SLC10A7: variants seen among roughly 807,000 people sequenced by gnomAD.
SLC10A7 encodes sodium/bile acid cotransporter 7.
A neutral mutation model predicts 43.2 loss-of-function variants in SLC10A7; 29 were observed. The observed-to-expected ratio is 0.67, with a 90% CI of 0.50 to 0.92. The LOEUF is 0.92. Among genes scored for constraint, SLC10A7 ranks in the 40% least tolerant of loss-of-function variants. The pLI, the probability that SLC10A7 is intolerant of heterozygous loss-of-function variation, is 0.00. For synonymous variants in SLC10A7, 152 were observed against 144.8 expected (o/e 1.05, Z -0.35); for missense variants, 295 against 403.2 (o/e 0.73, Z 2.30).
At chr4:146,442,730 A>G (rs1730700318) in intron 5 of SLC10A7, 53 bp downstream of exon 5, 2 of 1,586,742 alleles carry the variant, frequency 1.3e-6, no homozygotes, top group South Asian at 2.4e-5. Flanking sequence ...TCTTTCATAT[A>G]CACAATATCA....
chr4:146,412,673 T>A (rs1208523553), intron 5 of SLC10A7, among the ~76,000 whole-genome samples: 2 of 152,144 alleles, frequency 1.3e-5, no homozygotes, highest in Non-Finnish European at 2.9e-5. Flanking sequence ...GTTACACAAT[T>A]TTATATGGAT....
intron 4 of SLC10A7, among the ~76,000 whole-genome samples, chr4:146,490,638 G>T (rs1374339630): frequency 6.6e-6 from 1 of 151,948 alleles, no homozygotes. Context: ...TTGAAGAATC[G>T]GTAAATGAGA....
At chr4:146,309,982 C>T (rs142202799) in intron 6 of SLC10A7, among the ~76,000 whole-genome samples, 83 of 152,266 alleles carry the variant, frequency 5.5e-4, no homozygotes, top group African/African-American at 1.8e-3. Context: ...TCCCTCCCCA[C>T]TCTATTAGTC....
chr4:146,487,877 A>G (rs1735055729), intron 4 of SLC10A7, among the ~76,000 whole-genome samples: 1 of 151,594 alleles, frequency 6.6e-6, no homozygotes, highest in South Asian at 2.1e-4. Context: ...GCCCTAAGCA[A>G]CACCCTTTCT....
intron 5 of SLC10A7, among the ~76,000 whole-genome samples, chr4:146,422,596 C>A (rs546039680): frequency 6.6e-6 from 1 of 152,218 alleles, no homozygotes; most frequent in South Asian, 2.1e-4. Flanking sequence ...TCAAACATAA[C>A]TTTCTTGCAG....
chr4:146,398,095 G>A (rs888265278), intron 5 of SLC10A7, among the ~76,000 whole-genome samples: 5 of 152,128 alleles, frequency 3.3e-5, no homozygotes, highest in South Asian at 2.1e-4. Flanking sequence ...TCTTAGGAGC[G>A]TCTTGACATT....
chr4:146,458,242 A>G (rs1159357673), intron 4 of SLC10A7, among the ~76,000 whole-genome samples: 1 of 151,862 alleles, frequency 6.6e-6, no homozygotes, highest in East Asian at 1.9e-4. Context: ...AATCATTTCA[A>G]TAGGTACAGA....
intron 4 of SLC10A7, among the ~76,000 whole-genome samples, chr4:146,452,254 G>T (rs1431969041): frequency 6.6e-6 from 1 of 152,060 alleles, no homozygotes; most frequent in African/African-American, 2.4e-5. Flanking sequence ...GGCCACAATT[G>T]TTGGAGGTCA....
At chr4:146,492,847 T>C (rs1286899170) in intron 4 of SLC10A7, among the ~76,000 whole-genome samples, 1 of 152,034 alleles carries the variant, frequency 6.6e-6, no homozygotes, top group African/African-American at 2.4e-5. Flanking sequence ...TCTTATATGT[T>C]TTTTTTTCCC....
At chr4:146,442,741 C>T in intron 5 of SLC10A7, 42 bp downstream of exon 5, 2 of 1,595,762 alleles carry the variant, frequency 1.3e-6, no homozygotes, top group Non-Finnish European at 1.7e-6. Context: ...CACAATATCA[C>T]AGCAAAAGTT....
intron 4 of SLC10A7, among the ~76,000 whole-genome samples, chr4:146,502,894 T>A (rs1324449525): frequency 6.6e-6 from 1 of 152,150 alleles, no homozygotes; most frequent in Non-Finnish European, 1.5e-5. Context: ...GGAAGGAATG[T>A]CAAAGGGACT....
intron 7 of SLC10A7, among the ~76,000 whole-genome samples, chr4:146,296,114 A>C (rs1730767709): frequency 6.6e-6 from 1 of 152,136 alleles, no homozygotes; most frequent in African/African-American, 2.4e-5. Context: ...AAATCCACTG[A>C]TGCTCAAACC....
chr4:146,374,868 C>T (rs1737073103), intron 5 of SLC10A7, among the ~76,000 whole-genome samples: 1 of 152,088 alleles, frequency 6.6e-6, no homozygotes, highest in South Asian at 2.1e-4. Context: ...TCTAGAGATG[C>T]AGAGTCACTG....
chr4:146,445,936 C>T (rs778960585), intron 4 of SLC10A7, among the ~76,000 whole-genome samples: 4 of 151,616 alleles, frequency 2.6e-5, no homozygotes, highest in East Asian at 1.9e-4. Flanking sequence ...CGCGCGTGCA[C>T]GGGAGTCCCC....
At chr4:146,453,947 A>C (rs1175737846) in intron 4 of SLC10A7, among the ~76,000 whole-genome samples, 2 of 151,926 alleles carry the variant, frequency 1.3e-5, no homozygotes, top group Non-Finnish European at 2.9e-5. Context: ...AAAAACAATG[A>C]AGTAACATAG....
chr4:146,385,776 A>T (rs748827400), intron 5 of SLC10A7, among the ~76,000 whole-genome samples: 39 of 152,088 alleles, frequency 2.6e-4, no homozygotes, highest in Non-Finnish European at 5.0e-4. Context: ...AGTAGTCCCC[A>T]GTGTCTCTTG....
intron 4 of SLC10A7, among the ~76,000 whole-genome samples, chr4:146,493,079 T>TA (rs1735595338): frequency 6.6e-6 from 1 of 152,190 alleles, no homozygotes; most frequent in African/African-American, 2.4e-5. Context: ...TATACACAAA[T>TA]ACATGTGTAA....
chr4:146,484,506 G>C lies in SLC10A7; in HGVS notation c.396+19343C>G, dbSNP rs561098226. 3.9e-5 allele frequency among the ~76,000 whole-genome samples: 6 copies of C among 152,192 alleles called. No homozygotes were observed. The East Asian group carries it at 1.2e-3, about 29-fold the overall frequency. On this transcript the variant is annotated intron_variant, in intron 4 of 11. Coordinates refer to ENST00000335472, the MANE Select transcript of SLC10A7 (RefSeq NM_001029998.6). ...TATGAAATCTAAATTTTTTTAAAAAGTCAAACATAGAGAGATAGAGAAAAA... is the reference window on the plus strand; with the variant it reads ...TATGAAATCTAAATTTTTTTAAAAACTCAAACATAGAGAGATAGAGAAAAA...
At chr4:146,507,656 T>C (rs1737048918) in intron 3 of SLC10A7, among the ~76,000 whole-genome samples, 1 of 152,266 alleles carries the variant, frequency 6.6e-6, no homozygotes, top group African/African-American at 2.4e-5. Context: ...CCTGTCCAGA[T>C]GCTTCTCAGC....
Sources: allele counts gnomAD v4.1 joint callset (sites outside exome capture counted in the v4.1 genomes callset), GRCh38; gene constraint gnomAD v4.1.1; transcripts MANE v1.5; gene names NCBI Gene and HGNC (gene_info 2026-07-23, HGNC 2026-07-21).